SV2B: variants seen among roughly 807,000 people sequenced by gnomAD.
SV2B encodes the protein synaptic vesicle glycoprotein 2B.
In SV2B, 41 loss-of-function variants were observed where a neutral mutation model predicts 73.9. The ratio of observed to expected loss-of-function variants is 0.56; its 90% CI spans 0.43 to 0.72. SV2B has a LOEUF of 0.72. Among genes scored for constraint, SV2B ranks in the 30% least tolerant of loss-of-function variants. SV2B has a pLI of 0.00. For missense variants in SV2B, 764 were observed against 857.8 expected (o/e 0.89, Z 1.37); for synonymous variants, 314 against 314.2 (o/e 1.00, Z 0.01).
At chr15:91,274,773 T>C (rs933115544) in intron 9 of SV2B, among the ~76,000 whole-genome samples, 3 of 152,202 alleles carry the variant, frequency 2.0e-5, no homozygotes, top group Non-Finnish European at 4.4e-5. Context: ...GTCTGTATGA[T>C]TTTTATTCTT....
chr15:91,246,116 C>T (rs1254346222), intron 2 of SV2B, among the ~76,000 whole-genome samples: 3 of 150,086 alleles, frequency 2.0e-5, no homozygotes, highest in East Asian at 1.9e-4. Flanking sequence ...GAGGAAACTT[C>T]GAAAATATTT....
intron 1 of SV2B, among the ~76,000 whole-genome samples, chr15:91,158,705 T>TTCCCTTCCCTTCCCTTCC (rs2043594005): frequency 2.3e-5 from 2 of 85,620 alleles, no homozygotes; most frequent in African/African-American, 4.7e-5. Context: ...TCTTCTCTCC[T>TTCCCTTCCCTTCCCTTCC]CTCCTCTCCT....
At chr15:91,189,467 T>C (rs2044914910) in intron 1 of SV2B, among the ~76,000 whole-genome samples, 1 of 152,178 alleles carries the variant, frequency 6.6e-6, no homozygotes, top group African/African-American at 2.4e-5. Flanking sequence ...GATCTACCCA[T>C]GTTTATTTAT....
intron 1 of SV2B, among the ~76,000 whole-genome samples, chr15:91,189,756 A>C (rs2083831286): frequency 6.6e-6 from 1 of 152,220 alleles, no homozygotes; most frequent in South Asian, 2.1e-4. Context: ...TGGGAGGCCG[A>C]GGCGGATGGA....
chr15:91,193,409 A>T (rs369997283), intron 1 of SV2B, among the ~76,000 whole-genome samples: 7 of 149,876 alleles, frequency 4.7e-5, no homozygotes, highest in African/African-American at 1.7e-4. Context: ...TTGGATATTT[A>T]AAAAAAAACA....
At chr15:91,217,166 C>T (rs932151710) in intron 1 of SV2B, among the ~76,000 whole-genome samples, 26 of 152,156 alleles carry the variant, frequency 1.7e-4, no homozygotes, top group African/African-American at 5.1e-4. Flanking sequence ...TGTGAGCCAC[C>T]GCGCCTGGCC....
In SV2B at chr15:91,224,878, G is replaced by GGGCA. The variant is rs1286531986; in HGVS notation, c.-391-994_-391-991dup. 6.6e-6 allele frequency among the ~76,000 whole-genome samples: 1 copy of GGGCA among 152,090 alleles called. No homozygotes were observed. The highest frequency in any genetic ancestry group is 1.5e-5 in the Non-Finnish European group (1 of 68,006). On this transcript the variant is annotated intron_variant, in intron 1 of 12. Coordinates refer to ENST00000394232, the MANE Select transcript of SV2B (RefSeq NM_001323032.3). The surrounding 1 kb of genome is among the most constrained non-coding windows in gnomAD (Gnocchi z 4.9). ...ATTCTAGGCACAATGAGAATCCACT[G>GGGCA]GGCAAAGGAGTCAACAGAGGGACTC...
rs139752013 is a variant in SV2B, at chr15:91,301,567, C to T, written c.*9015C>T. Among the ~76,000 whole-genome samples the T allele has an allele frequency of 5.9e-4, 90 of 152,286 alleles. No homozygotes were observed. The Middle Eastern group carries it at 0.017, about 29-fold the overall frequency. On this transcript the variant is annotated 3_prime_UTR_variant, in exon 13 of 13. Coordinates refer to ENST00000394232, the MANE Select transcript of SV2B (RefSeq NM_001323032.3). This position sits in a 1 kb window ranked among gnomAD's most constrained non-coding sequence, Gnocchi z 4.3. Reference sequence around the variant, plus strand: ...AGAACTGTGATAAAGACTTTTAAAGCCTATCCCCTTTAACCTTCATAATAA... The same window carrying T: ...AGAACTGTGATAAAGACTTTTAAAGTCTATCCCCTTTAACCTTCATAATAA...
In SV2B at chr15:91,232,886, G is replaced by A. The variant is rs534274152; in HGVS notation, c.451+6172G>A. 5.3e-5 allele frequency among the ~76,000 whole-genome samples: 8 copies of A among 152,122 alleles called. No homozygotes were observed. The highest frequency in any genetic ancestry group is 1.0e-4 in the Non-Finnish European group (7 of 68,020). On this transcript the variant is annotated intron_variant, in intron 2 of 12. Transcript: ENST00000394232. This position sits in a 1 kb window ranked among gnomAD's most constrained non-coding sequence, Gnocchi z 4.7. ...TTTCGCCTCTCCAGTAGTCCCCAGT[G>A]TCTATTATTCCCATCTGTATGTCAC...
intron 2 of SV2B, among the ~76,000 whole-genome samples, chr15:91,251,273 T>C (rs532059478): frequency 2.0e-5 from 3 of 152,346 alleles, no homozygotes; most frequent in Non-Finnish European, 4.4e-5. Flanking sequence ...ACTGGACCCT[T>C]ATCTCACACC....
At chr15:91,134,886 C>G (rs2042770719) in intron 1 of SV2B, among the ~76,000 whole-genome samples, 1 of 152,210 alleles carries the variant, frequency 6.6e-6, no homozygotes, top group African/African-American at 2.4e-5. Context: ...CAGCCTACCT[C>G]TTTACCCAAC....
At chr15:91,209,337 G>A (rs186382077) in intron 1 of SV2B, among the ~76,000 whole-genome samples, 89 of 152,152 alleles carry the variant, frequency 5.8e-4, no homozygotes, top group African/African-American at 2.1e-3. Flanking sequence ...GGCCAGGCTG[G>A]TCTTGAACTC....
At position 91,156,556 on chromosome 15, in the gene SV2B, G is replaced by A. The variant is rs567418505; in HGVS notation, c.-392+56193G>A. On this transcript the variant is annotated intron_variant, in intron 1 of 12. Coordinates refer to ENST00000394232, the MANE Select transcript of SV2B (RefSeq NM_001323032.3). ...TGGGAGAAAGTCCAGCAGCCTGGGA[G>A]CAGGTTAGTGATGGGAAGCTGCGCA... Among the ~76,000 whole-genome samples, 36 of 152,342 alleles carry A rather than the reference G, an allele frequency of 2.4e-4. 1 individual carries two copies. Among genetic ancestry groups the A allele is most frequent in the African/African-American group, 7.2e-4 (30 of 41,586 alleles).
intron 1 of SV2B, among the ~76,000 whole-genome samples, chr15:91,166,423 G>A (rs543719786): frequency 7.4e-4 from 113 of 151,968 alleles, no homozygotes; most frequent in African/African-American, 2.5e-3. Context: ...TCTGGTCATA[G>A]TTTTCTTTGA....
intron 1 of SV2B, among the ~76,000 whole-genome samples, chr15:91,165,847 T>C (rs1353707695): frequency 6.6e-6 from 1 of 152,250 alleles, no homozygotes; most frequent in Non-Finnish European, 1.5e-5. Flanking sequence ...TTTTCTAGTG[T>C]TATTTCCTTT....
chr15:91,143,110 G>A (rs1199441985), intron 1 of SV2B, among the ~76,000 whole-genome samples: 1 of 152,202 alleles, frequency 6.6e-6, no homozygotes, highest in African/African-American at 2.4e-5. Context: ...GACAGACCGG[G>A]TGGGTCCACT....
chr15:91,190,095 T>C (rs1567329036), intron 1 of SV2B, among the ~76,000 whole-genome samples: 1 of 152,236 alleles, frequency 6.6e-6, no homozygotes, highest in African/African-American at 2.4e-5. Flanking sequence ...TAGTTATTGC[T>C]GATAAAGAGA....
intron 1 of SV2B, among the ~76,000 whole-genome samples, chr15:91,142,504 A>G (rs1020581873): frequency 6.6e-6 from 1 of 152,260 alleles, no homozygotes; most frequent in Admixed American, 6.5e-5. Context: ...TGTGTTAGCA[A>G]TGGAGAGAAA....
chr15:91,180,844 TC>T (rs1427442537), intron 1 of SV2B, among the ~76,000 whole-genome samples: 1 of 152,248 alleles, frequency 6.6e-6, no homozygotes, highest in African/African-American at 2.4e-5. Context: ...TTGAATTTCC[TC>T]CTGTAGCTCG....
Sources: allele counts gnomAD v4.1 joint callset (sites outside exome capture counted in the v4.1 genomes callset), GRCh38; gene constraint gnomAD v4.1.1; non-coding constraint Gnocchi (gnomAD v3.1); transcripts MANE v1.5; gene names NCBI Gene and HGNC (gene_info 2026-07-23, HGNC 2026-07-21).